PPM1L: variants seen among roughly 807,000 people sequenced by gnomAD.
The protein encoded by PPM1L is protein phosphatase 1L.
Under a neutral mutation model 31.4 loss-of-function variants are expected in PPM1L, and 13 were observed. The observed-to-expected ratio is 0.41, with a 90% CI of 0.27 to 0.66. The LOEUF is 0.66. Among genes scored for constraint, PPM1L ranks in the 30% least tolerant of loss-of-function variants. The probability of loss-of-function intolerance (pLI) is 0.29; values close to 1 mark genes in which losing one functional copy is unlikely to be tolerated. For missense variants in PPM1L, 326 were observed against 453.7 expected (o/e 0.72, Z 2.56); for synonymous variants, 184 against 175.4 (o/e 1.05, Z -0.39).
At chr3:160,810,698 C>G (rs1322828724) in intron 1 of PPM1L, among the ~76,000 whole-genome samples, 1 of 152,192 alleles carries the variant, frequency 6.6e-6, no homozygotes, top group Non-Finnish European at 1.5e-5. Flanking sequence ...GCCAGCAAAT[C>G]CTGGATGAGA....
rs891829385 is a variant in PPM1L at position 161,010,743 on chromosome 3, T to G, written c.574+48833T>G. Among the ~76,000 whole-genome samples, 23 of 152,286 alleles carry G rather than the reference T, an allele frequency of 1.5e-4. No homozygotes were observed. In the East Asian group the frequency reaches 1.9e-3, roughly 13 times the overall value. On this transcript the variant is annotated intron_variant, in intron 2 of 3. Transcript: ENST00000498165. ...AACTGGTGTGAGATGGTATCTCATT[T>G]TGGTTTTGATTTGCATTTCTCTGAT...
At chr3:160,794,224 C>T (rs1002030744) in intron 1 of PPM1L, among the ~76,000 whole-genome samples, 2 of 152,034 alleles carry the variant, frequency 1.3e-5, no homozygotes, top group Non-Finnish European at 2.9e-5. Flanking sequence ...TTTAGTGTAT[C>T]ATATATATTC....
intron 1 of PPM1L, among the ~76,000 whole-genome samples, chr3:160,823,550 T>C (rs1388108106): frequency 6.6e-6 from 1 of 152,096 alleles, no homozygotes; most frequent in Non-Finnish European, 1.5e-5. Flanking sequence ...TATCTTCATA[T>C]ATGATGATTC....
At position 160,804,153 on chromosome 3, in the gene PPM1L, C is replaced by T. The variant is rs1209732496; in HGVS notation, c.399+47446C>T. 5.3e-5 allele frequency among the ~76,000 whole-genome samples: 8 copies of T among 151,506 alleles called. No individual in the cohort carries two copies. In the East Asian group the frequency reaches 7.7e-4, roughly 15 times the overall value. On this transcript the variant is annotated intron_variant, in intron 1 of 3. Coordinates refer to ENST00000498165, the MANE Select transcript of PPM1L (RefSeq NM_139245.4). ...TTCACCGTGTTAGCCAGGATGGTCTCGATCTCCTGATCTCGTGATCCGCCC... is the reference window on the plus strand; with the variant it reads ...TTCACCGTGTTAGCCAGGATGGTCTTGATCTCCTGATCTCGTGATCCGCCC...
chr3:161,011,503 C>T (rs1326713806), intron 2 of PPM1L, among the ~76,000 whole-genome samples: 1 of 151,976 alleles, frequency 6.6e-6, no homozygotes, highest in Non-Finnish European at 1.5e-5. Flanking sequence ...AATGTGGGCT[C>T]TTTTTTGGTT....
chr3:160,903,528 T>C (rs1056608053), intron 1 of PPM1L, among the ~76,000 whole-genome samples: 3 of 152,168 alleles, frequency 2.0e-5, no homozygotes, highest in African/African-American at 7.2e-5. Flanking sequence ...TAGACTAATA[T>C]TTGACCAAAA....
chr3:160,999,138 CTT>C (rs1717407772), intron 2 of PPM1L, among the ~76,000 whole-genome samples: 1 of 152,150 alleles, frequency 6.6e-6, no homozygotes, highest in Non-Finnish European at 1.5e-5. Context: ...TGCCTGTACT[CTT>C]TTATTCATTC....
At chr3:160,862,406 A>G in intron 1 of PPM1L, among the ~76,000 whole-genome samples, 2 of 152,114 alleles carry the variant, frequency 1.3e-5, no homozygotes, top group Non-Finnish European at 2.9e-5. Context: ...TAGCAAAATG[A>G]AGGTATGTTT....
chr3:160,760,112 T>TC (rs1376090194), intron 1 of PPM1L, among the ~76,000 whole-genome samples: 2 of 152,188 alleles, frequency 1.3e-5, no homozygotes, highest in African/African-American at 4.8e-5. Context: ...TTATTAGCTA[T>TC]CCCCCAAACT....
chr3:160,946,081 G>A lies in PPM1L; in HGVS notation c.400-15655G>A, dbSNP rs1183721893. Among the ~76,000 whole-genome samples, 12 of 152,082 alleles carry A rather than the reference G, an allele frequency of 7.9e-5. No individual in the cohort carries two copies. The East Asian group carries it at 2.3e-3, about 29-fold the overall frequency. On this transcript the variant is annotated intron_variant, in intron 1 of 3. Coordinates refer to ENST00000498165, the MANE Select transcript of PPM1L (RefSeq NM_139245.4). ...TGTTGGAGTTAAGGGTCAACTGTAT[G>A]TATGTAACCCCATGTTGTTTAAGGG... is the stretch of plus-strand genomic sequence containing the variant.
chr3:160,798,048 C>T (rs1014307614), intron 1 of PPM1L, among the ~76,000 whole-genome samples: 21 of 152,116 alleles, frequency 1.4e-4, no homozygotes, highest in African/African-American at 4.3e-4. Context: ...CGTGGTAGTG[C>T]GTGCCTGTAG....
chr3:160,911,704 C>A (rs991649989), intron 1 of PPM1L, among the ~76,000 whole-genome samples: 1 of 152,116 alleles, frequency 6.6e-6, no homozygotes, highest in African/African-American at 2.4e-5. Flanking sequence ...AGACAGGAGT[C>A]CTGCCAAGCA....
intron 1 of PPM1L, among the ~76,000 whole-genome samples, chr3:160,887,578 T>TTC (rs1712959128): frequency 6.7e-6 from 1 of 150,356 alleles, no homozygotes; most frequent in Non-Finnish European, 1.5e-5. Context: ...TTCAACTTTT[T>TTC]TTTTTTTCTT....
intron 2 of PPM1L, among the ~76,000 whole-genome samples, chr3:161,002,107 G>A (rs992155376): frequency 1.1e-4 from 16 of 151,874 alleles, no homozygotes; most frequent in South Asian, 2.1e-4. Context: ...GTGTTCTTGC[G>A]ATAGTTTACT....
intron 2 of PPM1L, among the ~76,000 whole-genome samples, chr3:161,003,803 C>T (rs1019564855): frequency 2.5e-4 from 38 of 151,518 alleles, no homozygotes; most frequent in Non-Finnish European, 4.0e-4. Flanking sequence ...AATTTGACTT[C>T]CTCTTTTCCT....
At chr3:161,015,225 C>T (rs1157126692) in intron 2 of PPM1L, among the ~76,000 whole-genome samples, 3 of 152,078 alleles carry the variant, frequency 2.0e-5, no homozygotes, top group Admixed American at 6.5e-5. Context: ...TCCCCTAAAC[C>T]AGCTGGAAAG....
chr3:161,009,249 G>C lies in PPM1L; in HGVS notation c.574+47339G>C, dbSNP rs148324185. On this transcript the variant is annotated intron_variant, in intron 2 of 3. Coordinates refer to ENST00000498165, the MANE Select transcript of PPM1L (RefSeq NM_139245.4). ...GCTGTGTTGATCCTGGATCACTCTT[G>C]AATGGTAAGGCCAATTCACTGGATA... Among the ~76,000 whole-genome samples, 56 of 152,228 alleles carry C rather than the reference G, an allele frequency of 3.7e-4. 1 individual carries two copies. In the East Asian group the frequency reaches 9.1e-3, roughly 25 times the overall value.
At position 160,944,965 on chromosome 3, in the gene PPM1L, ATATAT is replaced by A. The variant is rs538964659; in HGVS notation, c.400-16765_400-16761del. On this transcript the variant is annotated intron_variant, in intron 1 of 3. Coordinates refer to ENST00000498165, the MANE Select transcript of PPM1L (RefSeq NM_139245.4). The stretch of plus-strand genomic sequence containing the variant: ...ATATAACTATATATAACTATATAAC[ATATAT>A]TATATATAACTATATATAACATATA... Among the ~76,000 whole-genome samples the A allele has an allele frequency of 2.0e-3, 99 of 48,910 alleles. 18 individuals carry two copies. The highest frequency in any genetic ancestry group is 5.8e-3 in the African/African-American group (72 of 12,508). 32.1% of individuals were successfully genotyped at this position (48,910 alleles called of 152,430 possible).
chr3:161,002,091 G>C (rs1341331488), intron 2 of PPM1L, among the ~76,000 whole-genome samples: 2 of 150,488 alleles, frequency 1.3e-5, no homozygotes, highest in South Asian at 2.1e-4. Context: ...TGCGGTGTTT[G>C]GTTTTGTGTT....
Sources: allele counts gnomAD v4.1 joint callset (sites outside exome capture counted in the v4.1 genomes callset), GRCh38; gene constraint gnomAD v4.1.1; transcripts MANE v1.5; gene names NCBI Gene and HGNC (gene_info 2026-07-23, HGNC 2026-07-21).